ROBO1: variants seen among roughly 807,000 people sequenced by gnomAD.
The protein encoded by ROBO1 is roundabout homolog 1.
In ROBO1, 149 loss-of-function variants were observed where a neutral mutation model predicts 195.9. The ratio of observed to expected loss-of-function variants is 0.76; its 90% CI spans 0.67 to 0.87. The LOEUF (loss-of-function observed/expected upper bound fraction) is 0.87. Ranked by LOEUF, ROBO1 falls within the 40% of genes least tolerant of loss-of-function variation. The pLI, the probability that ROBO1 is intolerant of heterozygous loss-of-function variation, is 0.00. For missense variants in ROBO1, 1,933 were observed against 2,068.3 expected, an observed-to-expected ratio of 0.93 and a Z score of 1.27; for synonymous variants, 816 against 733.2, an observed-to-expected ratio of 1.11 and a Z score of -1.82.
chr3:79,489,315 T>C (rs991717386), intron 2 of ROBO1, among the ~76,000 whole-genome samples: 1 of 152,126 alleles, frequency 6.6e-6, no homozygotes, highest in Non-Finnish European at 1.5e-5. Context: ...AACACATGTC[T>C]AAAATTACAA....
chr3:78,804,055 CAA>C (rs2084453718), intron 4 of ROBO1, among the ~76,000 whole-genome samples: 2 of 152,102 alleles, frequency 1.3e-5, no homozygotes, highest in Admixed American at 1.3e-4. Context: ...CATTTTCCTG[CAA>C]AGTTTGTATT....
chr3:79,320,965 T>C (rs971866415), intron 2 of ROBO1, among the ~76,000 whole-genome samples: 3 of 152,182 alleles, frequency 2.0e-5, no homozygotes, highest in Non-Finnish European at 2.9e-5. Flanking sequence ...AAAGCTATAA[T>C]GAAAATAAAG....
chr3:79,553,484 C>T (rs553609569), intron 2 of ROBO1, among the ~76,000 whole-genome samples: 1 of 152,038 alleles, frequency 6.6e-6, no homozygotes, highest in South Asian at 2.1e-4. Flanking sequence ...AATTCTCATT[C>T]AAGAGAATTT....
intron 3 of ROBO1, among the ~76,000 whole-genome samples, chr3:79,108,396 A>G (rs986787763): frequency 4.0e-5 from 6 of 151,826 alleles, no homozygotes; most frequent in African/African-American, 1.4e-4. Context: ...CCATTCAACT[A>G]CTTTTTATAA....
chr3:78,655,296 G>A lies in ROBO1; in HGVS notation c.2614+1802C>T, dbSNP rs563457479. Among the ~76,000 whole-genome samples, 31 of 152,120 alleles carry A rather than the reference G, an allele frequency of 2.0e-4. 1 individual carries two copies. Among genetic ancestry groups the A allele is most frequent in the Admixed American group, 2.0e-4 (3 of 15,266 alleles). On this transcript the variant is annotated intron_variant, in intron 18 of 30. Transcript: ENST00000464233. ...GACTCTCATATAATAGAGCTGTTGG[G>A]AGGAGCCTTCCTAGCCAGTGACTTA... is the stretch of plus-strand genomic sequence containing the variant.
At chr3:79,749,522 C>A (rs1395514665) in intron 1 of ROBO1, among the ~76,000 whole-genome samples, 2 of 152,286 alleles carry the variant, frequency 1.3e-5, no homozygotes, top group East Asian at 3.9e-4. Context: ...TTCATGGCAG[C>A]CCCTTCCATC....
At chr3:79,402,299 T>A (rs979466400) in intron 2 of ROBO1, among the ~76,000 whole-genome samples, 1 of 151,966 alleles carries the variant, frequency 6.6e-6, no homozygotes, top group East Asian at 1.9e-4. Context: ...AAGACACTTA[T>A]TATTACAGAC....
At chr3:79,469,038 C>G (rs889848192) in intron 2 of ROBO1, among the ~76,000 whole-genome samples, 4 of 151,990 alleles carry the variant, frequency 2.6e-5, no homozygotes, top group Non-Finnish European at 5.9e-5. Flanking sequence ...ACTTAACAAC[C>G]TACTAACAAG....
chr3:79,307,212 G>A (rs1207627590), intron 2 of ROBO1, among the ~76,000 whole-genome samples: 1 of 152,064 alleles, frequency 6.6e-6, no homozygotes, highest in Non-Finnish European at 1.5e-5. Context: ...ACCTCAGATT[G>A]TAAATCATCT....
chr3:78,758,774 C>T (rs553189323), intron 4 of ROBO1, among the ~76,000 whole-genome samples: 1 of 91,892 alleles, frequency 1.1e-5, no homozygotes, highest in South Asian at 3.9e-4. Flanking sequence ...TCTTCAGCAA[C>T]CCCTCACCTG....
At chr3:79,250,363 T>C (rs1275310260) in intron 2 of ROBO1, among the ~76,000 whole-genome samples, 1 of 152,200 alleles carries the variant, frequency 6.6e-6, no homozygotes, top group Non-Finnish European at 1.5e-5. Flanking sequence ...AGTTTTCTGC[T>C]GGACAAAGCA....
chr3:79,302,168 A>G (rs138955984), intron 2 of ROBO1, among the ~76,000 whole-genome samples: 2 of 152,356 alleles, frequency 1.3e-5, no homozygotes, highest in African/African-American at 2.4e-5. Flanking sequence ...ATGTCTGGGT[A>G]ATCTAATCAA....
intron 2 of ROBO1, among the ~76,000 whole-genome samples, chr3:79,461,285 C>A (rs561789018): frequency 6.6e-6 from 1 of 151,996 alleles, no homozygotes; most frequent in Non-Finnish European, 1.5e-5. Flanking sequence ...CTTTAACCAC[C>A]ACAGTGGGAC....
chr3:78,945,685 T>A (rs1166037485), intron 3 of ROBO1, among the ~76,000 whole-genome samples: 5 of 151,924 alleles, frequency 3.3e-5, no homozygotes, highest in Admixed American at 3.3e-4. Context: ...CTTTGACAAA[T>A]TGAGAGAAGA....
chr3:79,744,491 C>A (rs986145328), intron 1 of ROBO1, among the ~76,000 whole-genome samples: 1 of 152,018 alleles, frequency 6.6e-6, no homozygotes, highest in East Asian at 1.9e-4. Context: ...GGGATGGAGT[C>A]CTCTTGAATG....
intron 2 of ROBO1, among the ~76,000 whole-genome samples, chr3:79,162,595 T>A (rs750999369): frequency 6.6e-6 from 1 of 152,120 alleles, no homozygotes; most frequent in Non-Finnish European, 1.5e-5. Flanking sequence ...TTGTTAAGGG[T>A]TTTAGATTTC....
intron 3 of ROBO1, among the ~76,000 whole-genome samples, chr3:79,064,803 C>G (rs2078978259): frequency 6.6e-6 from 1 of 151,970 alleles, no homozygotes; most frequent in African/African-American, 2.4e-5. Flanking sequence ...TGATACTCAT[C>G]CTTTCTAATA....
At chr3:78,726,066 A>C (rs549175911) in intron 5 of ROBO1, among the ~76,000 whole-genome samples, 1 of 152,308 alleles carries the variant, frequency 6.6e-6, no homozygotes, top group Non-Finnish European at 1.5e-5. Context: ...ACATTAACCT[A>C]ATGTGACTTG....
chr3:78,776,302 A>G (rs2083503964), intron 4 of ROBO1, among the ~76,000 whole-genome samples: 1 of 152,158 alleles, frequency 6.6e-6, no homozygotes, highest in South Asian at 2.1e-4. Context: ...CCCAGGCTGG[A>G]GTGCAATGGC....
Sources: gnomAD v4.1 joint callset for allele counts (sites outside exome capture counted in the v4.1 genomes callset) on GRCh38, gnomAD v4.1.1 for gene constraint, MANE v1.5 for transcripts, NCBI Gene and HGNC (gene_info 2026-07-23, HGNC 2026-07-21) for gene names.